The following SSBP2 variants were observed in gnomAD, a reference collection of about 807,000 sequenced individuals.
SSBP2 encodes single-stranded DNA-binding protein 2.
In SSBP2, 17 loss-of-function variants were observed where a neutral mutation model predicts 61.8. The observed-to-expected ratio is 0.28, with a 90% CI of 0.19 to 0.41. The LOEUF is 0.41. SSBP2 is among the 10% of genes least tolerant of loss of function. The pLI, the probability that SSBP2 is intolerant of heterozygous loss-of-function variation, is 1.00. For missense variants in SSBP2, 310 were observed against 458.7 expected (o/e 0.68, Z 2.96); for synonymous variants, 139 against 141.3 (o/e 0.98, Z 0.12).
chr5:81,702,139 G>A (rs1001211482), intron 1 of SSBP2, among the ~76,000 whole-genome samples: 6 of 152,126 alleles, frequency 3.9e-5, no homozygotes, highest in African/African-American at 1.2e-4. Context: ...TTGGGAGGCC[G>A]AGGCGGGTAG....
chr5:81,458,191 G>C (rs1161833932), intron 10 of SSBP2, among the ~76,000 whole-genome samples: 2 of 152,186 alleles, frequency 1.3e-5, no homozygotes, highest in African/African-American at 4.8e-5. Flanking sequence ...CGAAGTGAAT[G>C]TAACAAGTAA....
At chr5:81,579,628 G>A (rs1163231253) in intron 4 of SSBP2, among the ~76,000 whole-genome samples, 2 of 152,104 alleles carry the variant, frequency 1.3e-5, no homozygotes, top group East Asian at 3.8e-4. Flanking sequence ...AAATATTCTG[G>A]TTGTGAAAGC....
At chr5:81,581,272 A>C (rs1196188479) in intron 4 of SSBP2, among the ~76,000 whole-genome samples, 1 of 152,216 alleles carries the variant, frequency 6.6e-6, no homozygotes, top group Non-Finnish European at 1.5e-5. Flanking sequence ...ATAATCCCTG[A>C]GGACATGAAG....
chr5:81,521,082 T>G (rs1029579814), intron 4 of SSBP2, among the ~76,000 whole-genome samples: 3 of 152,094 alleles, frequency 2.0e-5, no homozygotes, highest in Non-Finnish European at 4.4e-5. Flanking sequence ...GTAGAAAAGT[T>G]TCTAAAATGC....
chr5:81,613,463 T>C (rs1745656473), intron 4 of SSBP2, among the ~76,000 whole-genome samples: 1 of 152,226 alleles, frequency 6.6e-6, no homozygotes, highest in African/African-American at 2.4e-5. Flanking sequence ...ATGATGATGA[T>C]GATGAAAGTG....
chr5:81,446,510 C>T (rs530161568), intron 12 of SSBP2, among the ~76,000 whole-genome samples: 1 of 152,140 alleles, frequency 6.6e-6, no homozygotes, highest in East Asian at 1.9e-4. Flanking sequence ...GCATTTTAAA[C>T]CTAATGAATC....
chr5:81,743,689 A>G (rs185016579), intron 1 of SSBP2, among the ~76,000 whole-genome samples: 4 of 152,308 alleles, frequency 2.6e-5, no homozygotes, highest in Non-Finnish European at 4.4e-5. Flanking sequence ...GTTCTCTCTA[A>G]TAAGGGATAA....
intron 1 of SSBP2, among the ~76,000 whole-genome samples, chr5:81,677,798 C>G (rs1179472775): frequency 6.6e-6 from 1 of 151,430 alleles, no homozygotes; most frequent in Non-Finnish European, 1.5e-5. Context: ...AATTGCAGCC[C>G]CCTCCAGACA....
At chr5:81,520,061 T>C (rs914113280) in intron 4 of SSBP2, among the ~76,000 whole-genome samples, 3 of 151,808 alleles carry the variant, frequency 2.0e-5, no homozygotes, top group Non-Finnish European at 2.9e-5. Context: ...CTTGGCTCAC[T>C]GTAACCTCTG....
chr5:81,668,551 T>C (rs1030719766), intron 1 of SSBP2, among the ~76,000 whole-genome samples: 2 of 145,146 alleles, frequency 1.4e-5, no homozygotes, highest in Admixed American at 6.7e-5. Flanking sequence ...TTTTAATTTA[T>C]AAACAATTTA....
At chr5:81,512,690 ATTTC>A (rs1418033292) in intron 5 of SSBP2, among the ~76,000 whole-genome samples, 1 of 152,112 alleles carries the variant, frequency 6.6e-6, no homozygotes, top group Non-Finnish European at 1.5e-5. Flanking sequence ...TTATAATTTT[ATTTC>A]TTTATTTTCA....
Position 81,713,928 on chromosome 5 carries a change from T to C in SSBP2, c.62+37053A>G, listed in dbSNP as rs140903476. 2.1e-3 allele frequency among the ~76,000 whole-genome samples: 323 copies of C among 152,258 alleles called. 2 individuals carry two copies. Among genetic ancestry groups the C allele is most frequent in the African/African-American group, 7.3e-3 (305 of 41,548 alleles). On this transcript the variant is annotated intron_variant, in intron 1 of 16. Transcript: ENST00000320672. ...TTTATTATTTTTATTATTATCATAC[T>C]TTAAGTTCTGGGATACATGACCAGA...
chr5:81,625,694 C>T (rs895051663), intron 3 of SSBP2, among the ~76,000 whole-genome samples: 6 of 151,426 alleles, frequency 4.0e-5, no homozygotes, highest in Non-Finnish European at 7.4e-5. Flanking sequence ...ACTGTATCTC[C>T]CTCTATTCCT....
At chr5:81,440,667 T>C in intron 13 of SSBP2, 31 bp from the exon 14 acceptor site, 1 of 1,497,240 alleles carries the variant, frequency 6.7e-7, no homozygotes, top group Non-Finnish European at 9.2e-7. Context: ...ATCACTGTAA[T>C]CATACTGAAA....
In SSBP2 at chr5:81,455,376, T is replaced by G. The variant is rs1407270465; in HGVS notation, c.687+5679A>C. Reference sequence around the variant, plus strand: ...GGCTCACGCCTGTAATCCCAGCACTTTGGGAGGCCGAGGCGGGTGGATCAT... The same window carrying G: ...GGCTCACGCCTGTAATCCCAGCACTGTGGGAGGCCGAGGCGGGTGGATCAT... On this transcript the variant is annotated intron_variant, in intron 10 of 16. Coordinates refer to ENST00000320672, the MANE Select transcript of SSBP2 (RefSeq NM_012446.5). Among the ~76,000 whole-genome samples, 2 of 53,692 alleles carry G rather than the reference T, an allele frequency of 3.7e-5. 1 individual carries two copies. Among genetic ancestry groups the G allele is most frequent in the Non-Finnish European group, 6.3e-5 (2 of 31,662 alleles). The allele number at this position is 53,692 out of a possible 152,430, so 35.2% of individuals were successfully genotyped here.
rs148251108 is a variant in SSBP2, at chr5:81,746,477, A to G, written c.62+4504T>C. On this transcript the variant is annotated intron_variant, in intron 1 of 16. Transcript: ENST00000320672. ...CTTTTCTTGCCTTATTCCTTCAGAA[A>G]GAAAGAAAGGTTTGTCATTTTTCTT... Among the ~76,000 whole-genome samples the G allele has an allele frequency of 2.3e-3, 344 of 152,192 alleles. 1 individual carries two copies. Among genetic ancestry groups the G allele is most frequent in the African/African-American group, 8.0e-3 (332 of 41,558 alleles).
intron 4 of SSBP2, among the ~76,000 whole-genome samples, chr5:81,575,513 A>G (rs1774148903): frequency 6.6e-6 from 1 of 152,164 alleles, no homozygotes; most frequent in African/African-American, 2.4e-5. Context: ...ATAAGCATAA[A>G]AAGAACAATA....
chr5:81,650,232 A>G (rs1749611895), intron 2 of SSBP2, 35 bp downstream of exon 2: 1 of 1,402,372 alleles, frequency 7.1e-7, no homozygotes, highest in Non-Finnish European at 9.8e-7. Flanking sequence ...TTTATATAAG[A>G]TCAAAATGCA....
intron 2 of SSBP2, among the ~76,000 whole-genome samples, chr5:81,647,466 A>T (rs1034244545): frequency 6.6e-6 from 1 of 152,118 alleles, no homozygotes. Flanking sequence ...ATTTTACATT[A>T]TTAAAAACTT....
Sources: gnomAD v4.1 joint callset for allele counts (sites outside exome capture counted in the v4.1 genomes callset) on GRCh38, gnomAD v4.1.1 for gene constraint, MANE v1.5 for transcripts, NCBI Gene and HGNC (gene_info 2026-07-23, HGNC 2026-07-21) for gene names.